MYCBP2: variants seen among roughly 807,000 people sequenced by gnomAD.
The protein encoded by MYCBP2 is E3 ubiquitin-protein ligase MYCBP2.
In MYCBP2, 120 loss-of-function variants were observed where a neutral mutation model predicts 525.3. The ratio of observed to expected loss-of-function variants is 0.23; its 90% CI spans 0.20 to 0.27. MYCBP2 has a LOEUF of 0.27. Among genes scored for constraint, MYCBP2 ranks in the 10% least tolerant of loss-of-function variants. The pLI, the probability that MYCBP2 is intolerant of heterozygous loss-of-function variation, is 1.00. For missense variants in MYCBP2, 4,149 were observed against 5,657.1 expected (o/e 0.73, Z 8.55); for synonymous variants, 1,894 against 1,955.8 (o/e 0.97, Z 0.83).
intron 55 of MYCBP2, among the ~76,000 whole-genome samples, chr13:77,108,344 G>T (rs2048184147): frequency 6.6e-6 from 1 of 152,170 alleles, no homozygotes; most frequent in African/African-American, 2.4e-5. Context: ...TTCAGGGTTT[G>T]TGATGGCTGA....
chr13:77,139,435 G>T, intron 51 of MYCBP2, 99 bp from the exon 52 acceptor site: 1 of 1,317,238 alleles, frequency 7.6e-7, no homozygotes, highest in South Asian at 1.8e-5. Flanking sequence ...GATGGTGCAT[G>T]TGCAGATTAA....
chr13:77,048,197 A>G (rs534140504), intron 82 of MYCBP2, among the ~76,000 whole-genome samples: 2 of 152,158 alleles, frequency 1.3e-5, no homozygotes, highest in South Asian at 2.1e-4. Context: ...CTTCCTATCA[A>G]TGAGACCCAG....
At chr13:77,052,089 T>C (rs775210305) in intron 80 of MYCBP2, among the ~76,000 whole-genome samples, 171 bp from the exon 81 acceptor site, 1 of 152,234 alleles carries the variant, frequency 6.6e-6, no homozygotes, top group Non-Finnish European at 1.5e-5. Flanking sequence ...TGACTGTATG[T>C]AGGGTGGATC....
chr13:77,171,900 TTAAA>T (rs1294254418), intron 37 of MYCBP2, among the ~76,000 whole-genome samples: 1 of 152,170 alleles, frequency 6.6e-6, no homozygotes, highest in African/African-American at 2.4e-5. Flanking sequence ...AATTAATTAA[TTAAA>T]TTATTTACTT....
At chr13:77,233,580 T>C (rs536250197) in intron 17 of MYCBP2, among the ~76,000 whole-genome samples, 45 of 152,220 alleles carry the variant, frequency 3.0e-4, no homozygotes, top group Middle Eastern at 3.4e-3. Flanking sequence ...CAAATTATCT[T>C]ACAAATACTT....
chr13:77,209,476 C>T (rs902533443), intron 23 of MYCBP2, among the ~76,000 whole-genome samples: 4 of 152,186 alleles, frequency 2.6e-5, no homozygotes, highest in African/African-American at 9.7e-5. Context: ...CAAACCAGAG[C>T]CTGCTCTTTG....
intron 1 of MYCBP2, among the ~76,000 whole-genome samples, chr13:77,321,452 A>G (rs2081603905): frequency 6.6e-6 from 1 of 152,228 alleles, no homozygotes; most frequent in Non-Finnish European, 1.5e-5. Context: ...TTACTTCCTG[A>G]CATATTCCTA....
chr13:77,189,143 T>C (rs745357842), intron 29 of MYCBP2, 96 bp from the exon 30 acceptor site: 161 of 789,008 alleles, frequency 2.0e-4, no homozygotes, highest in Middle Eastern at 7.6e-4. Flanking sequence ...GGAAAATAAA[T>C]TATATATTTA....
rs182863544 is a variant in MYCBP2 at position 77,198,757 on chromosome 13, C to T, written c.3844-4513G>A. On this transcript the variant is annotated intron_variant, in intron 26 of 82. Coordinates refer to ENST00000544440, the MANE Select transcript of MYCBP2 (RefSeq NM_015057.5). ...CCCTAACACTATCTCTCACTCCTCC[C>T]GGTCTCCACTCCTGGGGTGAAGATG... Among the ~76,000 whole-genome samples, 218 of 152,250 alleles carry T rather than the reference C, an allele frequency of 1.4e-3. 4 individuals are homozygous for T. Among genetic ancestry groups the T allele is most frequent in the Admixed American group, 0.013 (196 of 15,292 alleles).
chr13:77,057,666 T>G (rs1037973019), intron 78 of MYCBP2, among the ~76,000 whole-genome samples: 4 of 152,160 alleles, frequency 2.6e-5, no homozygotes, highest in African/African-American at 9.7e-5. Context: ...GAATATTTTA[T>G]ACATTCTGTT....
chr13:77,058,314 G>C lies in MYCBP2; in HGVS notation c.13233C>G (p.His4411Gln), dbSNP rs140078246. ...GGCTTGTGGCACTTTTGTCACAGCC[G>C]TGTAGACAGGGCAGACAGTGCTCTT... is the stretch of plus-strand genomic sequence containing the variant. Reference protein sequence around the residue: ...KNEEHCLPCLHGCDKSATSLK... With the variant: ...KNEEHCLPCLQGCDKSATSLK... The change falls in exon 78 of 83, where the codon CAC becomes CAG. Residue 4411 changes from histidine (H) to glutamine (Q), a missense_variant. His to Gln is a conservative substitution (Grantham distance 24). Around this residue, in one of 21 missense-constraint regions of MYCBP2, gnomAD observed 220 missense variants for 396.0 expected, o/e 0.56. Coordinates refer to ENST00000544440, the MANE Select transcript of MYCBP2 (RefSeq NM_015057.5). The surrounding 1 kb of genome is among the most constrained non-coding windows in gnomAD (Gnocchi z 4.1). 1 of 1,614,034 alleles carries C rather than the reference G, an allele frequency of 6.2e-7. No homozygotes were observed. The highest frequency in any genetic ancestry group is 8.5e-7 in the Non-Finnish European group (1 of 1,180,006).
At chr13:77,122,201 C>T (rs370645855) in intron 54 of MYCBP2, among the ~76,000 whole-genome samples, 1 of 151,966 alleles carries the variant, frequency 6.6e-6, no homozygotes, top group Non-Finnish European at 1.5e-5. Context: ...GGCTCCAAGA[C>T]TCTGTCTGAT....
In MYCBP2 at chr13:77,081,815, GATA is replaced by G. The variant is rs760302428; in HGVS notation, c.11193+19_11193+21del. On this transcript the variant is annotated intron_variant, in intron 64 of 82. Transcript: ENST00000544440. The surrounding 1 kb of genome is among the most constrained non-coding windows in gnomAD (Gnocchi z 4.6). ...TATTATTAACTAACAGGACAACCAG[GATA>G]ATAACTGAAATGACTGACCTGACTC... 3.7e-5 allele frequency: 60 copies of G among 1,603,276 alleles called. No individual in the cohort carries two copies. Among genetic ancestry groups the G allele is most frequent in the Non-Finnish European group, 4.3e-5 (51 of 1,175,040 alleles).
chr13:77,051,274 T>C lies in MYCBP2; in HGVS notation c.13756-112A>G, dbSNP rs1011813333. On this transcript the variant is annotated intron_variant, in intron 81 of 82. Coordinates refer to ENST00000544440, the MANE Select transcript of MYCBP2 (RefSeq NM_015057.5). ...TTAATTCATATTTTGAGGGCCTACA[T>C]AACTCTAAAAATTGATTGAAAAACT... is the stretch of plus-strand genomic sequence containing the variant. 1.4e-5 allele frequency: 13 copies of C among 901,002 alleles called. No homozygotes were observed. The South Asian group carries it at 1.7e-4, about 12-fold the overall frequency. 55.8% of individuals were successfully genotyped at this position (901,002 alleles called of 1,614,324 possible). A position where few individuals can be genotyped will look rare whatever the true frequency, so the allele number is the denominator to read the frequency against.
At chr13:77,146,558 AG>A (rs1164221381) in intron 47 of MYCBP2, among the ~76,000 whole-genome samples, 1 of 152,134 alleles carries the variant, frequency 6.6e-6, no homozygotes, top group Non-Finnish European at 1.5e-5. Flanking sequence ...TATAACCCAA[AG>A]GTGATATGCA....
chr13:77,233,988 G>A (rs540058616), intron 17 of MYCBP2, among the ~76,000 whole-genome samples: 234 of 151,810 alleles, frequency 1.5e-3, no homozygotes, highest in African/African-American at 5.3e-3. Flanking sequence ...TTCTTCTAAA[G>A]TGCCACTATG....
At chr13:77,134,771 T>C (rs1474601122) in intron 52 of MYCBP2, among the ~76,000 whole-genome samples, 3 of 152,186 alleles carry the variant, frequency 2.0e-5, no homozygotes, top group Non-Finnish European at 2.9e-5. Context: ...ACTAGAGCAT[T>C]ACTAAAAACA....
In MYCBP2 at chr13:77,326,557, C is replaced by T; in HGVS notation, c.219G>A (p.Leu73=). The T allele has an allele frequency of 6.3e-7, 1 of 1,597,822 alleles. No individual in the cohort carries two copies. Among genetic ancestry groups the T allele is most frequent in the Non-Finnish European group, 8.5e-7 (1 of 1,172,812 alleles). The part of the protein sequence containing the change: ...HYQLLLSGRA[L]ADRYRRIYTA... Reference sequence around the variant, plus strand: ...TATAAATCCTCCGGTAGCGGTCGGCCAGGGCCCGGCCTGACAGCAGCAGCT... The same window carrying T: ...TATAAATCCTCCGGTAGCGGTCGGCTAGGGCCCGGCCTGACAGCAGCAGCT... Residue 73 remains leucine (L), a synonymous_variant, in exon 1 of 83, where the codon CTG becomes CTA. Transcript: ENST00000544440. The surrounding 1 kb of genome is among the most constrained non-coding windows in gnomAD (Gnocchi z 4.2).
At chr13:77,317,068 G>A (rs1353151189) in intron 1 of MYCBP2, among the ~76,000 whole-genome samples, 1 of 152,018 alleles carries the variant, frequency 6.6e-6, no homozygotes, top group Non-Finnish European at 1.5e-5. Context: ...TCCTGACTCA[G>A]CCTCCCAATT....
Sources: allele counts gnomAD v4.1 joint callset (sites outside exome capture counted in the v4.1 genomes callset), GRCh38; gene constraint gnomAD v4.1.1; regional missense constraint gnomAD v4.1.1; non-coding constraint Gnocchi (gnomAD v3.1); transcripts MANE v1.5; gene names NCBI Gene and HGNC (gene_info 2026-07-23, HGNC 2026-07-21).